TMEM230: variants seen among roughly 807,000 people sequenced by gnomAD.
TMEM230 encodes the protein transmembrane protein 230.
A neutral mutation model predicts 15.8 loss-of-function variants in TMEM230; 10 were observed. The ratio of observed to expected loss-of-function variants is 0.63; its 90% CI spans 0.39 to 1.07. TMEM230 has a LOEUF of 1.07. TMEM230 is among the 50% of genes least tolerant of loss of function. TMEM230 has a pLI of 0.01. For missense variants in TMEM230, 165 were observed against 193.3 expected (o/e 0.85, Z 0.87); for synonymous variants, 67 against 76.9 (o/e 0.87, Z 0.68).
chr20:5,104,070 G>A (rs189366741), intron 4 of TMEM230, among the ~76,000 whole-genome samples: 4 of 152,176 alleles, frequency 2.6e-5, no homozygotes, highest in Admixed American at 1.3e-4. Context: ...CTCAAACTCT[G>A]TAGGAAAAAA....
rs772850759 is a variant in TMEM230, at chr20:5,086,989, T to A, written c.223-17640A>T. 2.0e-5 allele frequency among the ~76,000 whole-genome samples: 3 copies of A among 152,176 alleles called. No individual in the cohort carries two copies. The South Asian group carries it at 6.2e-4, about 31-fold the overall frequency. ...CCCAGGCTCAAGCAATCATCCCGCCTCAGCCTTCCAAGTCGCTGGGACTTC... is the reference window on the plus strand; with the variant it reads ...CCCAGGCTCAAGCAATCATCCCGCCACAGCCTTCCAAGTCGCTGGGACTTC... On this transcript the variant is annotated intron_variant, in intron 3 of 3. Coordinates refer to the TMEM230 transcript ENST00000612323.
At chr20:5,076,676 C>CTTTTTTTTTTTT (rs763498321) in intron 3 of TMEM230, among the ~76,000 whole-genome samples, 1 of 127,482 alleles carries the variant, frequency 7.8e-6, no homozygotes, top group African/African-American at 3.1e-5. Context: ...GATTGATATT[C>CTTTTTTTTTTTT]TTTTTTTTTT....
intron 3 of TMEM230, among the ~76,000 whole-genome samples, chr20:5,108,179 C>T (rs916546077): frequency 2.0e-5 from 3 of 151,886 alleles, no homozygotes; most frequent in Admixed American, 6.6e-5. Flanking sequence ...CAGCACTTTG[C>T]GAGGCCGAGG....
At chr20:5,089,742 T>C (rs772746944) in intron 3 of TMEM230, among the ~76,000 whole-genome samples, 18 of 151,060 alleles carry the variant, frequency 1.2e-4, no homozygotes, top group Non-Finnish European at 2.4e-4. Context: ...GTGGAAAGTA[T>C]AACAGAGGGC....
At chr20:5,061,519 A>G in the TMEM230 span, among the ~76,000 whole-genome samples, 1 of 152,172 alleles carries the variant, frequency 6.6e-6, no homozygotes, top group Admixed American at 6.6e-5. Flanking sequence ...TTATCAATCA[A>G]TCAAAGCCAT....
In TMEM230 at chr20:5,100,941, G is replaced by GA. The variant is rs1314196138; in HGVS notation, c.412-11dup. On this transcript the variant is annotated splice_polypyrimidine_tract_variant and intron_variant, in intron 4 of 4. Coordinates refer to ENST00000342308, the MANE Select transcript of TMEM230 (RefSeq NM_001009923.2). ...CGGCCCGGTCTGCCCCCTGGTGGCA[G>GA]AAGGAGGCAAACACATTAGTACCGT... 6 of 1,613,992 alleles carry GA rather than the reference G, an allele frequency of 3.7e-6. No individual in the cohort carries two copies. Among genetic ancestry groups the GA allele is most frequent in the Non-Finnish European group, 4.2e-6 (5 of 1,179,928 alleles).
chr20:5,063,919 T>C (rs1307486853), downstream of TMEM230, among the ~76,000 whole-genome samples: 2 of 152,136 alleles, frequency 1.3e-5, no homozygotes, highest in Admixed American at 1.3e-4. Context: ...CTGGAAAATG[T>C]GGCCAAAGTG....
At chr20:5,063,535 C>T (rs1261991404), downstream of TMEM230, among the ~76,000 whole-genome samples, 1 of 151,936 alleles carries the variant, frequency 6.6e-6, no homozygotes, top group Non-Finnish European at 1.5e-5. Flanking sequence ...GTGGTCTGCC[C>T]ACCTCGGCCT....
chr20:5,093,775 T>G (rs6139621), intron 3 of TMEM230, among the ~76,000 whole-genome samples: 1 of 152,000 alleles, frequency 6.6e-6, no homozygotes, highest in African/African-American at 2.4e-5. Context: ...TGGCTTCAAG[T>G]GATGTGACTG....
In TMEM230 at chr20:5,100,248, G is replaced by T; in HGVS notation, c.*543C>A. 1.3e-5 allele frequency: 13 copies of T among 985,458 alleles called. No homozygotes were observed. The highest frequency in any genetic ancestry group is 1.6e-5 in the Non-Finnish European group (13 of 830,034). The allele number at this position is 985,458 out of a possible 1,614,324, so 61.0% of individuals were successfully genotyped here. ...TACATTTTGAAAACTTGCTCTGCAGGATAAAAAAATTCCTGGTTGCTGTCA... is the reference window on the plus strand; with the variant it reads ...TACATTTTGAAAACTTGCTCTGCAGTATAAAAAAATTCCTGGTTGCTGTCA... On this transcript the variant is annotated 3_prime_UTR_variant, in exon 5 of 5. Coordinates refer to ENST00000342308, the MANE Select transcript of TMEM230 (RefSeq NM_001009923.2).
chr20:5,082,641 C>T (rs937742808), intron 3 of TMEM230, among the ~76,000 whole-genome samples: 5 of 152,024 alleles, frequency 3.3e-5, no homozygotes, highest in Non-Finnish European at 7.4e-5. Flanking sequence ...CAGGGTTTCA[C>T]CATGTTGGCC....
intron 2 of TMEM230, 140 bp from the exon 2 acceptor site, chr20:5,109,585 C>A (rs934868917): frequency 2.7e-5 from 18 of 665,234 alleles, no homozygotes; most frequent in African/African-American, 2.0e-4. Flanking sequence ...ATTTACACTT[C>A]ACTGCTAAAT....
At chr20:5,112,841 G>T (rs932766004) in intron 1 of TMEM230, 120 bp downstream of exon 1, 8 of 1,541,074 alleles carry the variant, frequency 5.2e-6, no homozygotes, top group Admixed American at 3.9e-5. Flanking sequence ...ACTGTGCCAG[G>T]GGGGACGAAT....
the TMEM230 span, chr20:5,060,980 G>A: frequency 6.6e-6 from 1 of 152,072 alleles, no homozygotes; most frequent in Non-Finnish European, 1.5e-5. Context: ...CTCTACCTTT[G>A]TCAAATCTTG....
rs2089803259 is a variant in TMEM230 at position 5,100,327 on chromosome 20, T to C, written c.*464A>G. ...AGATGAACTCACTGATCTTTGATTT[T>C]ACTAAGGTCTTCCACTGGAACATGA... On this transcript the variant is annotated 3_prime_UTR_variant, in exon 5 of 5. Transcript: ENST00000342308. The C allele has an allele frequency of 2.0e-6, 2 of 985,616 alleles. No homozygotes were observed. Among genetic ancestry groups the C allele is most frequent in the Non-Finnish European group, 2.4e-6 (2 of 830,056 alleles). The allele number at this position is 985,616 out of a possible 1,614,324, so 61.1% of individuals were successfully genotyped here.
At chr20:5,103,649 AAAAAAACC>A (rs1165966537) in intron 4 of TMEM230, among the ~76,000 whole-genome samples, 5 of 151,870 alleles carry the variant, frequency 3.3e-5, no homozygotes, top group Admixed American at 3.3e-4. Flanking sequence ...AAAAACAAAC[AAAAAAACC>A]AAAAAACAAA....
chr20:5,078,835 G>T (rs1245896559), intron 3 of TMEM230, among the ~76,000 whole-genome samples: 1 of 152,146 alleles, frequency 6.6e-6, no homozygotes, highest in Non-Finnish European at 1.5e-5. Context: ...TGTTGCCCAG[G>T]CTGGACTGCA....
At position 5,109,394 on chromosome 20, in the gene TMEM230, G is replaced by A; in HGVS notation, c.226C>T (p.Pro76Ser). ...CTTGAATATTTCACTTTACTACTGGGGATTCCAGTAGCCAGGTTGGTACGG... is the reference window on the plus strand; with the variant it reads ...CTTGAATATTTCACTTTACTACTGGAGATTCCAGTAGCCAGGTTGGTACGG... Residue 76 changes from proline to serine, a missense_variant, in exon 3 of 5, where the codon CCC becomes TCC. Pro to Ser is a moderately conservative substitution (Grantham distance 74). Coordinates refer to ENST00000342308, the MANE Select transcript of TMEM230 (RefSeq NM_001009923.2). 6.2e-7 allele frequency: 1 copy of A among 1,613,780 alleles called. No homozygotes were observed. The highest frequency in any genetic ancestry group is 8.5e-7 in the Non-Finnish European group (1 of 1,179,844).
rs1357584761 is a variant in TMEM230 at position 5,112,115 on chromosome 20, A to T, written c.69-510T>A. ...CGCCTCGGCCTCCCAAAGTGCTGGGATTACAGGCGTGAGCCAGCGCGCCCG... is the reference window on the plus strand; with the variant it reads ...CGCCTCGGCCTCCCAAAGTGCTGGGTTTACAGGCGTGAGCCAGCGCGCCCG... On this transcript the variant is annotated intron_variant, in intron 1 of 4. Coordinates refer to ENST00000342308, the MANE Select transcript of TMEM230 (RefSeq NM_001009923.2). 2.0e-5 allele frequency among the ~76,000 whole-genome samples: 3 copies of T among 152,252 alleles called. No homozygotes were observed. In the East Asian group the frequency reaches 5.8e-4, roughly 29 times the overall value.
Sources: allele counts gnomAD v4.1 joint callset (sites outside exome capture counted in the v4.1 genomes callset), GRCh38; gene constraint gnomAD v4.1.1; transcripts MANE v1.5; gene names NCBI Gene and HGNC (gene_info 2026-07-23, HGNC 2026-07-21).